Variants in SLC3A2 observed in about 807,000 individuals in gnomAD.
SLC3A2 encodes the protein amino acid transporter heavy chain SLC3A2.
In SLC3A2, 32 loss-of-function variants were observed where a neutral mutation model predicts 48.5. That is an observed-to-expected ratio of 0.66 (90% confidence interval 0.50 to 0.89). The LOEUF is 0.89. Ranked by LOEUF, SLC3A2 falls within the 40% of genes least tolerant of loss-of-function variation. The probability of loss-of-function intolerance (pLI) is 0.00; values close to 1 mark genes in which losing one functional copy is unlikely to be tolerated. For synonymous variants in SLC3A2, 277 were observed against 288.8 expected (o/e 0.96, Z 0.41); for missense variants, 587 against 680.7 (o/e 0.86, Z 1.53).
At chr11:62,885,754 G>T in intron 7 of SLC3A2, 146 bp downstream of exon 7, 2 of 868,314 alleles carry the variant, frequency 2.3e-6, no homozygotes, top group African/African-American at 1.7e-5. Flanking sequence ...GTGGCTTTGG[G>T]CAAATTATTT....
Position 62,884,729 on chromosome 11 carries a change from T to TG in SLC3A2, c.818+42dup, listed in dbSNP as rs1454793002. The TG allele has an allele frequency of 2.0e-6, 3 of 1,529,570 alleles. No homozygotes were observed. The African/African-American group carries it at 4.2e-5, about 21-fold the overall frequency. 94.7% of individuals were successfully genotyped at this position (1,529,570 alleles called of 1,614,324 possible). On this transcript the variant is annotated intron_variant, in intron 5 of 8. Coordinates refer to ENST00000338663, the MANE Select transcript of SLC3A2 (RefSeq NM_001013251.3). ...CCATTCTGCTGACTCAGCTCCAATG[T>TG]GGGAACCCCTCAGTGGAGTGCTAGG...
chr11:62,858,836 C>T (rs946015262), intron 1 of SLC3A2, among the ~76,000 whole-genome samples: 7 of 152,192 alleles, frequency 4.6e-5, no homozygotes, highest in African/African-American at 1.4e-4. Flanking sequence ...TTTAGATATG[C>T]ATACACATAA....
In SLC3A2 at chr11:62,881,981, C is replaced by T. The variant is rs770121813; in HGVS notation, c.513C>T (p.Val171=). Reference sequence around the variant, plus strand: ...TTCACAAGAACCAGAAGGATGATGTCGCTCAGACTGACTTGCTGCAGATCG... The same window carrying T: ...TTCACAAGAACCAGAAGGATGATGTTGCTCAGACTGACTTGCTGCAGATCG... The part of the protein sequence containing the change: ...GPIHKNQKDD[V]AQTDLLQIDP... The change falls in exon 2 of 9, where the codon GTC becomes GTT. Residue 171 remains valine, a synonymous_variant. Transcript: ENST00000338663. The surrounding 1 kb of genome is among the most constrained non-coding windows in gnomAD (Gnocchi z 4.0). The T allele has an allele frequency of 1.1e-5, 18 of 1,614,060 alleles. No homozygotes were observed. The highest frequency in any genetic ancestry group is 1.5e-5 in the Non-Finnish European group (18 of 1,180,048).
chr11:62,882,884 T>C (rs1162264043), intron 2 of SLC3A2, 24 bp from the exon 3 acceptor site: 1 of 1,574,660 alleles, frequency 6.4e-7, no homozygotes, highest in Non-Finnish European at 8.7e-7. Context: ...TGTCTCATGA[T>C]TGCGTCTTCC....
chr11:62,875,596 T>C (rs1247015801), intron 1 of SLC3A2, among the ~76,000 whole-genome samples: 1 of 152,200 alleles, frequency 6.6e-6, no homozygotes, highest in Admixed American at 6.5e-5. Flanking sequence ...GATGGAGTTT[T>C]GCTCTTGTTG....
At chr11:62,867,809 C>G (rs1355168208) in intron 1 of SLC3A2, among the ~76,000 whole-genome samples, 1 of 151,932 alleles carries the variant, frequency 6.6e-6, no homozygotes, top group East Asian at 1.9e-4. Context: ...ATGTTTTTGA[C>G]ACATTTTTGC....
Position 62,869,245 on chromosome 11 carries a change from G to C in SLC3A2, c.113-11774G>C, listed in dbSNP as rs538729487. ...GTGATTAGAATAGAATTTCTATTTG[G>C]TGGGTGCCGTGGCTTACATCTGTAA... On this transcript the variant is annotated intron_variant, in intron 1 of 9. Transcript: ENST00000377889. Among the ~76,000 whole-genome samples, 191 of 151,890 alleles carry C rather than the reference G, an allele frequency of 1.3e-3. No individual in the cohort carries two copies. The Middle Eastern group carries it at 0.017, about 14-fold the overall frequency.
chr11:62,885,367 A>G lies in SLC3A2; in HGVS notation c.999+10A>G, dbSNP rs1246862177. On this transcript the variant is annotated intron_variant, in intron 6 of 8. Coordinates refer to ENST00000338663, the MANE Select transcript of SLC3A2 (RefSeq NM_001013251.3). ...CTGGTGCAGCTGGAGTGTGAGTACC[A>G]TGCTGGTGGGAAAGGGGGCAGATGG... The G allele has an allele frequency of 6.2e-7, 1 of 1,614,144 alleles. No individual in the cohort carries two copies. The highest frequency in any genetic ancestry group is 2.2e-5 in the East Asian group (1 of 44,876).
intron 1 of SLC3A2, among the ~76,000 whole-genome samples, chr11:62,867,811 C>T (rs1401158128): frequency 1.3e-5 from 2 of 151,932 alleles, no homozygotes; most frequent in African/African-American, 4.8e-5. Context: ...GTTTTTGACA[C>T]ATTTTTGCCT....
intron 1 of SLC3A2, among the ~76,000 whole-genome samples, chr11:62,865,561 CAAA>C (rs35320203): frequency 5.8e-5 from 5 of 86,904 alleles, no homozygotes; most frequent in Admixed American, 3.1e-4. Context: ...GTCTCCCCCA[CAAA>C]AAAAAAAAAA....
upstream of SLC3A2, among the ~76,000 whole-genome samples, chr11:62,879,681 G>C (rs1289886270): frequency 6.6e-6 from 1 of 152,200 alleles, no homozygotes; most frequent in Non-Finnish European, 1.5e-5. Flanking sequence ...CAAATACACA[G>C]CAATCTTGGC....
intron 1 of SLC3A2, chr11:62,871,669 G>C: frequency 1.6e-6 from 1 of 623,834 alleles, no homozygotes; most frequent in Non-Finnish European, 2.9e-6. Flanking sequence ...TGAGGTTACA[G>C]GTAATTATTA....
intron 1 of SLC3A2, among the ~76,000 whole-genome samples, chr11:62,866,602 G>A (rs545105220): frequency 1.1e-4 from 17 of 152,186 alleles, no homozygotes; most frequent in Non-Finnish European, 1.9e-4. Flanking sequence ...CACCATGTTG[G>A]CCAGGTTGAT....
upstream of SLC3A2, among the ~76,000 whole-genome samples, chr11:62,878,106 C>T (rs567013391): frequency 1.3e-5 from 2 of 151,682 alleles, no homozygotes; most frequent in Admixed American, 6.6e-5. Flanking sequence ...TTGCAGTGAG[C>T]TGAGATCGCG....
intron 1 of SLC3A2, among the ~76,000 whole-genome samples, chr11:62,874,640 T>C (rs1393863073): frequency 6.6e-6 from 1 of 152,214 alleles, no homozygotes; most frequent in Non-Finnish European, 1.5e-5. Flanking sequence ...TTAATAGTAT[T>C]CTGACATGGG....
chr11:62,866,638 C>T (rs535617408), intron 1 of SLC3A2, among the ~76,000 whole-genome samples: 18 of 152,242 alleles, frequency 1.2e-4, no homozygotes, highest in African/African-American at 1.9e-4. Context: ...TCAGGTGATC[C>T]GCCCTCCGCA....
chr11:62,868,829 T>C (rs1210336873), intron 1 of SLC3A2, among the ~76,000 whole-genome samples: 2 of 152,254 alleles, frequency 1.3e-5, no homozygotes, highest in African/African-American at 4.8e-5. Flanking sequence ...CTTGCCATTT[T>C]AATTTGCACT....
At position 62,881,750 on chromosome 11, in the gene SLC3A2, C is replaced by CT. The variant is rs1468391722; in HGVS notation, c.425-142dup. The CT allele has an allele frequency of 3.1e-6, 3 of 979,106 alleles. No individual in the cohort carries two copies. Among genetic ancestry groups the CT allele is most frequent in the Non-Finnish European group, 4.5e-6 (3 of 666,192 alleles). 60.7% of individuals were successfully genotyped at this position (979,106 alleles called of 1,614,324 possible). ...TGCAGGACTCCTTACATCAGCTCCT[C>CT]TGAGTCTCGTGATTCAGCCTTGCCT... is the stretch of plus-strand genomic sequence containing the variant. On this transcript the variant is annotated intron_variant, in intron 1 of 8. Coordinates refer to ENST00000338663, the MANE Select transcript of SLC3A2 (RefSeq NM_001013251.3). The surrounding 1 kb of genome is among the most constrained non-coding windows in gnomAD (Gnocchi z 4.0).
At chr11:62,875,859 G>T (rs536934643) in intron 1 of SLC3A2, among the ~76,000 whole-genome samples, 3 of 152,152 alleles carry the variant, frequency 2.0e-5, no homozygotes, top group African/African-American at 7.2e-5. Flanking sequence ...GAGCCACTGC[G>T]CCCAGCCTGT....
Sources: gnomAD v4.1 joint callset for allele counts (sites outside exome capture counted in the v4.1 genomes callset) on GRCh38, gnomAD v4.1.1 for gene constraint, Gnocchi (gnomAD v3.1) non-coding constraint, MANE v1.5 for transcripts, NCBI Gene and HGNC (gene_info 2026-07-23, HGNC 2026-07-21) for gene names.